The following ZNF853 variants were observed in gnomAD, a reference collection of about 807,000 sequenced individuals.
The protein encoded by ZNF853 is zinc finger protein 853.
In ZNF853, 57 loss-of-function variants were observed where a neutral mutation model predicts 94.7. The ratio of observed to expected loss-of-function variants is 0.60; its 90% CI spans 0.49 to 0.75. ZNF853 has a LOEUF of 0.75. ZNF853 is among the 30% of genes least tolerant of loss of function. The pLI, the probability that ZNF853 is intolerant of heterozygous loss-of-function variation, is 0.00. For missense variants in ZNF853, 785 were observed against 868.9 expected, an observed-to-expected ratio of 0.90 and a Z score of 1.21; for synonymous variants, 448 against 406.3, an observed-to-expected ratio of 1.10 and a Z score of -1.23.
Position 6,616,266 on chromosome 7 carries a change from G to T in ZNF853, c.12+80G>T. On this transcript the variant is annotated intron_variant, in intron 1 of 2. Coordinates refer to ENST00000457543, the MANE Select transcript of ZNF853 (RefSeq NM_017560.3). ...AGTTTGGACTGGATGGCACGAGTCG[G>T]CCTGTTTAGGGGAGAGGGGCCAGCT... is the stretch of plus-strand genomic sequence containing the variant. The T allele has an allele frequency of 4.9e-6, 7 of 1,433,908 alleles. No individual in the cohort carries two copies. In the Admixed American group the frequency reaches 1.2e-4, roughly 25 times the overall value. 88.8% of individuals were successfully genotyped at this position (1,433,908 alleles called of 1,614,324 possible).
intron 2 of ZNF853, among the ~76,000 whole-genome samples, chr7:6,620,164 A>G: frequency 1.3e-5 from 2 of 152,186 alleles, no homozygotes; most frequent in African/African-American, 4.8e-5. Context: ...CGACTGGTAG[A>G]GTTAGGTTCT....
Position 6,618,877 on chromosome 7 carries a change from G to C in ZNF853, c.130+1570G>C. On this transcript the variant is annotated intron_variant, in intron 2 of 2. Transcript: ENST00000457543. Reference sequence around the variant, plus strand: ...GGTCCATGAGACATTGGACTTGCTGGGGGGACAGTTTTCACCCTGTCTTCT... The same window carrying C: ...GGTCCATGAGACATTGGACTTGCTGCGGGGACAGTTTTCACCCTGTCTTCT... 3.3e-5 allele frequency among the ~76,000 whole-genome samples: 5 copies of C among 152,152 alleles called. No individual in the cohort carries two copies. The South Asian group carries it at 1.0e-3, about 32-fold the overall frequency.
At chr7:6,616,734 C>CA in intron 1 of ZNF853, among the ~76,000 whole-genome samples, 1 of 139,358 alleles carries the variant, frequency 7.2e-6, no homozygotes, top group Non-Finnish European at 1.6e-5. Flanking sequence ...GAATCCGTAT[C>CA]AAGAAAAAAA....
At position 6,616,099 on chromosome 7, in the gene ZNF853, C is replaced by A. The variant is rs564023856; in HGVS notation, c.-76C>A. On this transcript the variant is annotated 5_prime_UTR_variant, in exon 1 of 3. It adds an upstream start codon to the 5' untranslated region. Transcript: ENST00000457543. ...TGGAGGCGCCTCCGGAAGGAGCCGG[C>A]TGCACGCCGTGGCCTTCACCTCGCA... 7.5e-6 allele frequency: 11 copies of A among 1,459,478 alleles called. No individual in the cohort carries two copies. Among genetic ancestry groups the A allele is most frequent in the Non-Finnish European group, 1.9e-6 (2 of 1,075,658 alleles). 90.4% of individuals were successfully genotyped at this position (1,459,478 alleles called of 1,614,324 possible).
chr7:6,621,849 A>G lies in ZNF853; in HGVS notation c.858A>G (p.Leu286=). 1 of 1,550,820 alleles carries G rather than the reference A, an allele frequency of 6.4e-7. No individual in the cohort carries two copies. Among genetic ancestry groups the G allele is most frequent in the South Asian group, 1.2e-5 (1 of 84,012 alleles). The part of the protein sequence containing the change: ...QQLLLQQQEQ[L]QQQQQQQLLQ... ...TACTGCTGCAGCAGCAGGAACAGTT[A>G]CAGCAGCAGCAGCAACAGCAGCTGT... Residue 286 remains leucine (L), a synonymous_variant, in exon 3 of 3, where the codon TTA becomes TTG. Coordinates refer to ENST00000457543, the MANE Select transcript of ZNF853 (RefSeq NM_017560.3).
chr7:6,620,565 T>TCCTTTCTTC, intron 2 of ZNF853, among the ~76,000 whole-genome samples: 2 of 150,204 alleles, frequency 1.3e-5, no homozygotes, highest in African/African-American at 4.9e-5. Flanking sequence ...CCACCTACCT[T>TCCTTTCTTC]CCTTCCTTCC....
Position 6,622,045 on chromosome 7 carries a change from C to A in ZNF853, c.1054C>A (p.Gln352Lys). 6.5e-7 allele frequency: 1 copy of A among 1,548,152 alleles called. No homozygotes were observed. Among genetic ancestry groups the A allele is most frequent in the Non-Finnish European group, 8.7e-7 (1 of 1,146,402 alleles). ...LERQQELERQ[Q>K]EQRQLQLKLQ... ...GCGGCAGCAGGAGCTGGAACGGCAG[C>A]AGGAGCAGCGGCAGCTGCAGCTCAA... The change falls in exon 3 of 3, where the codon CAG (glutamine) becomes AAG (lysine). Residue 352 changes from glutamine (Q) to lysine (K), a missense_variant. By Grantham distance (53) the Gln-to-Lys change is moderately conservative. Coordinates refer to ENST00000457543, the MANE Select transcript of ZNF853 (RefSeq NM_017560.3).
At chr7:6,620,729 C>G in intron 2 of ZNF853, among the ~76,000 whole-genome samples, 1 of 152,182 alleles carries the variant, frequency 6.6e-6, no homozygotes, top group Non-Finnish European at 1.5e-5. Context: ...TCAAGTGATT[C>G]TCCTGCCTCA....
chr7:6,616,664 G>A, intron 1 of ZNF853, among the ~76,000 whole-genome samples: 13,609 of 151,826 alleles, frequency 0.09, 854 homozygotes, highest in East Asian at 0.18. Flanking sequence ...GAACTGGGGA[G>A]ACGGAGGTTG....
chr7:6,623,450 G>C lies in ZNF853; in HGVS notation c.*479G>C. On this transcript the variant is annotated 3_prime_UTR_variant, in exon 3 of 3. Transcript: ENST00000457543. Reference sequence around the variant, plus strand: ...GAAGCAAACTTGTTTGCACTATGTAGAAACTGACCAAGGCATCGAATCGTC... The same window carrying C: ...GAAGCAAACTTGTTTGCACTATGTACAAACTGACCAAGGCATCGAATCGTC... 2.5e-6 allele frequency: 1 copy of C among 398,242 alleles called. No individual in the cohort carries two copies. The highest frequency in any genetic ancestry group is 4.4e-6 in the Non-Finnish European group (1 of 226,016). The allele number at this position is 398,242 out of a possible 1,614,324, so 24.7% of individuals were successfully genotyped here. A position where few individuals can be genotyped will look rare whatever the true frequency, so the allele number is the denominator to read the frequency against.
Position 6,621,206 on chromosome 7 carries a change from C to G in ZNF853, c.215C>G (p.Pro72Arg). ...CCACAGCGGCCAGCAGTCTCGGCCCCAGTGGGGGCCAGTGAAATCGCTGAG... is the reference window on the plus strand; with the variant it reads ...CCACAGCGGCCAGCAGTCTCGGCCCGAGTGGGGGCCAGTGAAATCGCTGAG... ...SSPQRPAVSA[P>R]VGASEIAEET... The change falls in exon 3 of 3, where the codon CCA (proline) becomes CGA (arginine). Residue 72 changes from proline (P) to arginine (R), a missense_variant. Transcript: ENST00000457543. 6.5e-7 allele frequency: 1 copy of G among 1,531,148 alleles called. No homozygotes were observed. The highest frequency in any genetic ancestry group is 8.8e-7 in the Non-Finnish European group (1 of 1,136,612). 94.8% of individuals were successfully genotyped at this position (1,531,148 alleles called of 1,614,324 possible). A position where few individuals can be genotyped will look rare whatever the true frequency, so the allele number is the denominator to read the frequency against.
At chr7:6,618,968 A>C in intron 2 of ZNF853, among the ~76,000 whole-genome samples, 2 of 151,832 alleles carry the variant, frequency 1.3e-5, no homozygotes, top group African/African-American at 4.8e-5. Context: ...CTGTTAGCCT[A>C]ACCAAAGGTT....
At chr7:6,619,549 C>T in intron 2 of ZNF853, among the ~76,000 whole-genome samples, 5 of 152,070 alleles carry the variant, frequency 3.3e-5, no homozygotes, top group South Asian at 2.1e-4. Context: ...GGATTATAGG[C>T]GTGAGCCACC....
At chr7:6,617,649 C>T (rs1782532192) in intron 2 of ZNF853, 2 of 985,438 alleles carry the variant, frequency 2.0e-6, no homozygotes, top group Non-Finnish European at 2.4e-6. Flanking sequence ...CTCAATTTCC[C>T]GGATCCGATT....
At chr7:6,618,384 C>G in intron 2 of ZNF853, among the ~76,000 whole-genome samples, 1 of 151,996 alleles carries the variant, frequency 6.6e-6, no homozygotes, top group African/African-American at 2.4e-5. Flanking sequence ...TCAGACAACA[C>G]TGGACTAGAT....
rs1421359715 is a variant in ZNF853, at chr7:6,622,721, G to A, written c.1730G>A (p.Arg577His). ...RPYACGDCGK[R>H]FSVSSNLLRH... is the part of the protein sequence containing the mutation. ...TACGCCTGCGGGGACTGTGGCAAGC[G>A]CTTCAGCGTCTCCTCCAACCTGCTG... is the stretch of plus-strand genomic sequence containing the variant. The change falls in exon 3 of 3, where the codon CGC becomes CAC. Residue 577 changes from arginine to histidine, a missense_variant. Physicochemically the swap from Arg to His is conservative, Grantham distance 29 (BLOSUM62 0). Transcript: ENST00000457543. The A allele has an allele frequency of 1.3e-6, 2 of 1,568,680 alleles. No individual in the cohort carries two copies. Among genetic ancestry groups the A allele is most frequent in the African/African-American group, 1.4e-5 (1 of 73,724 alleles).
chr7:6,621,443 A>G lies in ZNF853; in HGVS notation c.452A>G (p.Gln151Arg). 1.3e-6 allele frequency: 2 copies of G among 1,551,776 alleles called. No individual in the cohort carries two copies. Among genetic ancestry groups the G allele is most frequent in the Non-Finnish European group, 1.7e-6 (2 of 1,147,012 alleles). Reference sequence around the variant, plus strand: ...CATCAGGAACTGAAACCAGAACTGCAGCTAATGCACCAGCAGCAACAGTTA... The same window carrying G: ...CATCAGGAACTGAAACCAGAACTGCGGCTAATGCACCAGCAGCAACAGTTA... ...VHHQELKPEL[Q>R]LMHQQQQLQP... Residue 151 changes from glutamine (Q) to arginine (R), a missense_variant, in exon 3 of 3, where the codon CAG becomes CGG. Physicochemically the swap from Gln to Arg is conservative, Grantham distance 43. Coordinates refer to ENST00000457543, the MANE Select transcript of ZNF853 (RefSeq NM_017560.3).
intron 1 of ZNF853, 124 bp from the exon 2 acceptor site, chr7:6,617,066 G>A: frequency 2.5e-5 from 16 of 643,840 alleles, no homozygotes; most frequent in African/African-American, 5.7e-5. Flanking sequence ...AGTTGCAGCA[G>A]GTATGGAGCT....
intron 1 of ZNF853, among the ~76,000 whole-genome samples, chr7:6,616,947 G>C: frequency 6.6e-6 from 1 of 152,134 alleles, no homozygotes; most frequent in Non-Finnish European, 1.5e-5. Flanking sequence ...AGGAGAGGCA[G>C]TCCTGCCTCT....
Sources: gnomAD v4.1 joint callset for allele counts (sites outside exome capture counted in the v4.1 genomes callset) on GRCh38, gnomAD v4.1.1 for gene constraint, MANE v1.5 for transcripts, NCBI Gene and HGNC (gene_info 2026-07-23, HGNC 2026-07-21) for gene names.